The following SYNE1 variants were observed in gnomAD, a reference collection of about 807,000 sequenced individuals.
SYNE1 encodes spectrin repeat containing nuclear envelope protein 1, also known as nesprin-1.
Under a neutral mutation model 1,111.0 loss-of-function variants are expected in SYNE1, and 616 were observed. That is an observed-to-expected ratio of 0.55 (90% CI 0.52 to 0.59). SYNE1 has a LOEUF of 0.59. Among genes scored for constraint, SYNE1 ranks in the 20% least tolerant of loss-of-function variants. The pLI, the probability that SYNE1 is intolerant of heterozygous loss-of-function variation, is 0.00. For missense variants in SYNE1, 10,006 were observed against 10,417.0 expected, an observed-to-expected ratio of 0.96 and a Z score of 1.72; for synonymous variants, 3,855 against 3,825.8, an observed-to-expected ratio of 1.01 and a Z score of -0.28.
At chr6:152,303,202 C>A (rs1291245667) in intron 91 of SYNE1, among the ~76,000 whole-genome samples, 1 of 148,330 alleles carries the variant, frequency 6.7e-6, no homozygotes, top group African/African-American at 2.5e-5. Context: ...GCCTGTAATC[C>A]TAGCACTTTG....
At chr6:152,417,412 G>C (rs1486202361) in intron 40 of SYNE1, among the ~76,000 whole-genome samples, 3 of 152,070 alleles carry the variant, frequency 2.0e-5, no homozygotes, top group Non-Finnish European at 2.9e-5. Context: ...GCAGGAGAAT[G>C]GCATGAACCC....
rs1316209013 is a variant in SYNE1 at position 152,224,683 on chromosome 6, A to G, written c.21352-19T>C. 11 of 1,610,126 alleles carry G rather than the reference A, an allele frequency of 6.8e-6. No individual in the cohort carries two copies. The highest frequency in any genetic ancestry group is 7.6e-6 in the Non-Finnish European group (9 of 1,176,774). On this transcript the variant is annotated intron_variant, in intron 116 of 145. Coordinates refer to ENST00000367255, the MANE Select transcript of SYNE1 (RefSeq NM_182961.4). Reference sequence around the variant, plus strand: ...GTCCAACCTTTTGAAAAAGACAAATATGGCTTATAATTTCATAATATCTAG... The same window carrying G: ...GTCCAACCTTTTGAAAAAGACAAATGTGGCTTATAATTTCATAATATCTAG...
At chr6:152,483,002 G>A (rs1003550191) in intron 14 of SYNE1, 83 bp downstream of exon 14, 44 of 1,495,786 alleles carry the variant, frequency 2.9e-5, no homozygotes, top group East Asian at 4.5e-5. Flanking sequence ...GGGCGTCCCC[G>A]CCAGAGCAGG....
At chr6:152,494,931 C>T (rs752407721) in intron 11 of SYNE1, among the ~76,000 whole-genome samples, 12 of 152,152 alleles carry the variant, frequency 7.9e-5, no homozygotes, top group Non-Finnish European at 1.5e-5. Flanking sequence ...TCAGTCACTC[C>T]TACTCACTCT....
chr6:152,535,127 G>C (rs1374117140), intron 4 of SYNE1, among the ~76,000 whole-genome samples: 1 of 152,186 alleles, frequency 6.6e-6, no homozygotes, highest in African/African-American at 2.4e-5. Context: ...AATATGACTA[G>C]TGCCCTCACA....
At chr6:152,321,964 C>T in intron 82 of SYNE1, 78 bp from the exon 83 acceptor site, 2 of 1,517,220 alleles carry the variant, frequency 1.3e-6, no homozygotes, top group Non-Finnish European at 1.8e-6. Flanking sequence ...TTATCCAATA[C>T]ATATATAGAA....
chr6:152,220,000 T>C (rs2079753520), intron 119 of SYNE1, among the ~76,000 whole-genome samples: 1 of 152,206 alleles, frequency 6.6e-6, no homozygotes, highest in African/African-American at 2.4e-5. Flanking sequence ...TTGACACAGA[T>C]AACAGACAAG....
At chr6:152,175,394 C>G (rs976685514) in intron 130 of SYNE1, among the ~76,000 whole-genome samples, 1 of 152,148 alleles carries the variant, frequency 6.6e-6, no homozygotes, top group Non-Finnish European at 1.5e-5. Context: ...GCACATGGTA[C>G]GCAGAGGACA....
chr6:152,416,505 C>G lies in SYNE1; in HGVS notation c.5932G>C (p.Val1978Leu). The G allele has an allele frequency of 1.2e-6, 2 of 1,614,070 alleles. No individual in the cohort carries two copies. Among genetic ancestry groups the G allele is most frequent in the Non-Finnish European group, 1.7e-6 (2 of 1,180,024 alleles). The change falls in exon 41 of 146, where the codon GTG (valine) becomes CTG (leucine). Residue 1978 changes from valine to leucine, a missense_variant. Val to Leu is a conservative substitution (Grantham distance 32). Transcript: ENST00000367255. ...TGGTCTTGGAATGCTTTTTTCAACA[C>G]TGCCAGAGCATCTGCCTCACTCTGC... ...TKQSEADALA[V>L]LKKAFQDQKE...
chr6:152,231,617 T>C, intron 113 of SYNE1, 50 bp from the exon 114 acceptor site: 1 of 1,583,292 alleles, frequency 6.3e-7, no homozygotes, highest in South Asian at 1.1e-5. Flanking sequence ...GTCTCATTAG[T>C]TTTCCAGGAG....
At chr6:152,382,897 C>T (rs572039489) in intron 55 of SYNE1, among the ~76,000 whole-genome samples, 1 of 152,224 alleles carries the variant, frequency 6.6e-6, no homozygotes, top group African/African-American at 2.4e-5. Flanking sequence ...ATGGCTTTTG[C>T]ATATATTTTC....
intron 12 of SYNE1, among the ~76,000 whole-genome samples, chr6:152,487,255 T>A (rs1195391525): frequency 6.6e-6 from 1 of 152,188 alleles, no homozygotes; most frequent in Non-Finnish European, 1.5e-5. Flanking sequence ...TGTGTCCATG[T>A]GTTCTCATTG....
intron 73 of SYNE1, among the ~76,000 whole-genome samples, chr6:152,345,407 T>G (rs1048900562): frequency 6.6e-6 from 1 of 152,164 alleles, no homozygotes; most frequent in Non-Finnish European, 1.5e-5. Flanking sequence ...TTCAATTATT[T>G]ATTAGATTCT....
intron 45 of SYNE1, among the ~76,000 whole-genome samples, chr6:152,404,605 A>G (rs1367897425): frequency 2.6e-5 from 4 of 152,120 alleles, no homozygotes; most frequent in Non-Finnish European, 4.4e-5. Context: ...CAAAGTCTTG[A>G]GTCAGTGGGG....
At chr6:152,471,320 T>A (rs902110897) in intron 16 of SYNE1, among the ~76,000 whole-genome samples, 19 of 152,200 alleles carry the variant, frequency 1.2e-4, no homozygotes, top group Admixed American at 2.0e-4. Context: ...AAACTTTTTT[T>A]AAAAATCAAT....
rs201436749 is a variant in SYNE1, at chr6:152,293,657, G to T, written c.17943C>A (p.Ala5981=). 6 of 1,614,090 alleles carry T rather than the reference G, an allele frequency of 3.7e-6. No homozygotes were observed. In the Admixed American group the frequency reaches 5.0e-5, roughly 13 times the overall value. ...SLQSISTKME[A]IELKLSESPE... is the part of the protein sequence containing the mutation. ...GGCTCTCACTGAGTTTCAGCTCAAT[G>T]GCCTCCATCTTCGTAGAGATGGACT... The change falls in exon 95 of 146, where the codon GCC becomes GCA. Residue 5981 remains alanine, a synonymous_variant. Coordinates refer to ENST00000367255, the MANE Select transcript of SYNE1 (RefSeq NM_182961.4).
chr6:152,582,888 T>C (rs113382061), intron 3 of SYNE1, among the ~76,000 whole-genome samples: 2,823 of 152,254 alleles, frequency 0.019, 91 homozygotes, highest in African/African-American at 0.064. Flanking sequence ...TAAATTTATT[T>C]CATAATTTCT....
intron 3 of SYNE1, among the ~76,000 whole-genome samples, chr6:152,621,531 G>T (rs561852477): frequency 1.3e-5 from 2 of 151,026 alleles, no homozygotes; most frequent in African/African-American, 2.4e-5. Flanking sequence ...TTTTTGAATT[G>T]ATTTGATTTA....
chr6:152,566,241 GA>G (rs2128264297), intron 3 of SYNE1, among the ~76,000 whole-genome samples: 1 of 152,208 alleles, frequency 6.6e-6, no homozygotes, highest in South Asian at 2.1e-4. Context: ...AGGAACAAGG[GA>G]TGACGCAAGG....
Sources: gnomAD v4.1 joint callset for allele counts (sites outside exome capture counted in the v4.1 genomes callset) on GRCh38, gnomAD v4.1.1 for gene constraint, MANE v1.5 for transcripts, NCBI Gene and HGNC (gene_info 2026-07-23, HGNC 2026-07-21) for gene names.